Variants in TMEM209 observed in about 807,000 individuals in gnomAD.
TMEM209 encodes the protein testicular tissue protein Li 202.
A neutral mutation model predicts 76.2 loss-of-function variants in TMEM209; 65 were observed. The ratio of observed to expected loss-of-function variants is 0.85; its 90% CI spans 0.70 to 1.05. TMEM209 has a LOEUF of 1.05. Ranked by LOEUF, TMEM209 falls within the 50% of genes least tolerant of loss-of-function variation. TMEM209 has a pLI of 0.00. For missense variants in TMEM209, 623 were observed against 685.5 expected (o/e 0.91, Z 1.02); for synonymous variants, 239 against 237.6 (o/e 1.01, Z -0.06).
intron 13 of TMEM209, 54 bp from the exon 14 acceptor site, chr7:130,170,527 T>C: frequency 1.4e-6 from 2 of 1,413,452 alleles, no homozygotes; most frequent in Non-Finnish European, 2.0e-6. Context: ...AGATTCAATC[T>C]GGTAGGTAAA....
At chr7:130,172,721 G>A (rs988565693) in intron 13 of TMEM209, among the ~76,000 whole-genome samples, 25 of 152,046 alleles carry the variant, frequency 1.6e-4, no homozygotes, top group Non-Finnish European at 2.4e-4. Context: ...TTTTTAGGCC[G>A]GGCATGGTGG....
At position 130,204,110 on chromosome 7, in the gene TMEM209, T is replaced by C. The variant is rs768935806; in HGVS notation, c.4A>G (p.Met2Val). The change falls in exon 2 of 15, where the codon ATG (methionine) becomes GTG (valine). Residue 2 changes from methionine to valine, a missense_variant and splice_region_variant. Met to Val is a conservative substitution (Grantham distance 21). Coordinates refer to ENST00000397622, the MANE Select transcript of TMEM209 (RefSeq NM_032842.4). ...GCACTAGGGTGTGCCTCCCCCTGCA[T>C]CTATGAAAAAACAAAAAGCACAGGA... M[M>V]QGEAHPSASL... The C allele has an allele frequency of 4.4e-6, 7 of 1,599,768 alleles. No individual in the cohort carries two copies. The East Asian group carries it at 1.1e-4, about 26-fold the overall frequency.
chr7:130,182,048 C>A, intron 8 of TMEM209: 1 of 213,314 alleles, frequency 4.7e-6, no homozygotes, highest in East Asian at 1.2e-4. Context: ...TCAAAGGATT[C>A]TCCTGCCTCA....
At chr7:130,186,705 G>C (rs1274436434) in intron 6 of TMEM209, among the ~76,000 whole-genome samples, 3 of 151,880 alleles carry the variant, frequency 2.0e-5, no homozygotes, top group Non-Finnish European at 4.4e-5. Context: ...GTACCTCTGG[G>C]CATTAGTCAA....
intron 14 of TMEM209, among the ~76,000 whole-genome samples, chr7:130,168,383 T>C (rs898420246): frequency 7.2e-5 from 11 of 152,150 alleles, no homozygotes; most frequent in African/African-American, 2.7e-4. Context: ...TCAGTAATTA[T>C]TGCAAATATT....
rs772505344 is a variant in TMEM209, at chr7:130,204,122, C to A, written c.4-12G>T. ...GCCTCCCCCTGCATCTATGAAAAAACAAAAAGCACAGGAATTAACCAGAAG... is the reference window on the plus strand; with the variant it reads ...GCCTCCCCCTGCATCTATGAAAAAAAAAAAAGCACAGGAATTAACCAGAAG... On this transcript the variant is annotated splice_polypyrimidine_tract_variant and intron_variant, in intron 1 of 14. Coordinates refer to ENST00000397622, the MANE Select transcript of TMEM209 (RefSeq NM_032842.4). The A allele has an allele frequency of 1.3e-5, 20 of 1,594,822 alleles. No individual in the cohort carries two copies. The South Asian group carries it at 1.6e-4, about 13-fold the overall frequency.
chr7:130,171,538 T>G (rs1036150898), intron 13 of TMEM209, among the ~76,000 whole-genome samples: 1 of 152,170 alleles, frequency 6.6e-6, no homozygotes, highest in African/African-American at 2.4e-5. Context: ...GGCATGGATA[T>G]TCACAAGAAC....
intron 10 of TMEM209, 114 bp from the exon 11 acceptor site, chr7:130,175,723 C>A: frequency 1.3e-6 from 1 of 747,650 alleles, no homozygotes; most frequent in Non-Finnish European, 2.1e-6. Context: ...TTGATCAAAA[C>A]ACCCAAACCT....
At position 130,205,388 on chromosome 7, in the gene TMEM209, G is replaced by C; in HGVS notation, c.-13C>G. ...GAAAACGCACCATGTCCTCTGGCCG[G>C]AAAACGCAGGCTCGCGCCACTCTCT... is the stretch of plus-strand genomic sequence containing the variant. On this transcript the variant is annotated 5_prime_UTR_variant, in exon 1 of 15. Coordinates refer to ENST00000397622, the MANE Select transcript of TMEM209 (RefSeq NM_032842.4). 1 of 1,613,920 alleles carries C rather than the reference G, an allele frequency of 6.2e-7. No individual in the cohort carries two copies. The highest frequency in any genetic ancestry group is 8.5e-7 in the Non-Finnish European group (1 of 1,179,908).
chr7:130,194,952 CTCTTT>C (rs1797922154), intron 5 of TMEM209, among the ~76,000 whole-genome samples: 2 of 152,126 alleles, frequency 1.3e-5, no homozygotes, highest in South Asian at 4.1e-4. Flanking sequence ...ACACAGATTT[CTCTTT>C]TATTTTTAAA....
At chr7:130,198,974 G>A (rs1420329074) in intron 5 of TMEM209, among the ~76,000 whole-genome samples, 1 of 152,112 alleles carries the variant, frequency 6.6e-6, no homozygotes, top group African/African-American at 2.4e-5. Context: ...CATTGATAAT[G>A]CTAAAGTCTT....
intron 6 of TMEM209, among the ~76,000 whole-genome samples, chr7:130,188,609 A>AG (rs1369552380): frequency 2.0e-5 from 3 of 151,292 alleles, no homozygotes; most frequent in Non-Finnish European, 4.4e-5. Context: ...AAAAAAAAAA[A>AG]AAAAAAAAAA....
At chr7:130,186,332 A>G (rs1340323693) in intron 6 of TMEM209, among the ~76,000 whole-genome samples, 1 of 152,188 alleles carries the variant, frequency 6.6e-6, no homozygotes. Flanking sequence ...GTATGTAGCA[A>G]TATAATTCAT....
intron 14 of TMEM209, among the ~76,000 whole-genome samples, chr7:130,169,431 T>G (rs1796991463): frequency 6.6e-6 from 1 of 152,208 alleles, no homozygotes; most frequent in African/African-American, 2.4e-5. Context: ...TTCACTTAAC[T>G]AAATCTATCC....
intron 14 of TMEM209, among the ~76,000 whole-genome samples, chr7:130,167,852 A>G (rs1446883980): frequency 6.6e-6 from 1 of 152,186 alleles, no homozygotes; most frequent in Admixed American, 6.5e-5. Flanking sequence ...AAGTTATAGG[A>G]AAGTTTTTAA....
chr7:130,187,266 CA>C (rs879334628), intron 6 of TMEM209, among the ~76,000 whole-genome samples: 21 of 135,640 alleles, frequency 1.5e-4, no homozygotes, highest in Non-Finnish European at 1.4e-4. Flanking sequence ...ACCTCGATCT[CA>C]AAAAAAAAAA....
chr7:130,204,041 C>T lies in TMEM209; in HGVS notation c.73G>A (p.Ala25Thr). 2 of 1,613,450 alleles carry T rather than the reference C, an allele frequency of 1.2e-6. No individual in the cohort carries two copies. Among genetic ancestry groups the T allele is most frequent in the Admixed American group, 3.3e-5 (2 of 59,948 alleles). The stretch of plus-strand genomic sequence containing the variant: ...CCCCAGGCTAAGACCACTTTCCTAG[C>T]CTCTGTTTCTTTTCTCATCTTGATG... Reference protein sequence around the residue: ...RTIKMRKETEARKVVLAWGLL... With the variant: ...RTIKMRKETETRKVVLAWGLL... The change falls in exon 2 of 15, where the codon GCT (alanine) becomes ACT (threonine). Residue 25 changes from alanine (A) to threonine (T), a missense_variant. Transcript: ENST00000397622.
intron 13 of TMEM209, among the ~76,000 whole-genome samples, chr7:130,172,255 C>T (rs1318537773): frequency 2.0e-5 from 3 of 152,152 alleles, no homozygotes; most frequent in African/African-American, 7.2e-5. Flanking sequence ...AATATTTTGA[C>T]CTAGAATTCC....
At chr7:130,180,883 G>A (rs1313182843) in intron 9 of TMEM209, among the ~76,000 whole-genome samples, 2 of 152,154 alleles carry the variant, frequency 1.3e-5, no homozygotes, top group African/African-American at 4.8e-5. Context: ...GTGCAGCTAG[G>A]TGCTTTAGAA....
Sources: allele counts gnomAD v4.1 joint callset (sites outside exome capture counted in the v4.1 genomes callset), GRCh38; gene constraint gnomAD v4.1.1; transcripts MANE v1.5; gene names NCBI Gene and HGNC (gene_info 2026-07-23, HGNC 2026-07-21).